OSBPL2: variants seen among roughly 807,000 people sequenced by gnomAD.
The protein encoded by OSBPL2 is oxysterol-binding protein-related protein 2.
Under a neutral mutation model 58.4 loss-of-function variants are expected in OSBPL2, and 18 were observed. The observed-to-expected ratio is 0.31, with a 90% CI of 0.21 to 0.46. The LOEUF (loss-of-function observed/expected upper bound fraction) is 0.46. Among genes scored for constraint, OSBPL2 ranks in the 20% least tolerant of loss-of-function variants. OSBPL2 has a pLI of 1.00. For missense variants in OSBPL2, 461 were observed against 616.5 expected (o/e 0.75, Z 2.67); for synonymous variants, 221 against 234.1 (o/e 0.94, Z 0.51).
chr20:62,288,665 C>T lies in OSBPL2; in HGVS notation c.1126-542C>T, dbSNP rs552523464. Among the ~76,000 whole-genome samples, 3 of 152,232 alleles carry T rather than the reference C, an allele frequency of 2.0e-5. No homozygotes were observed. The highest frequency in any genetic ancestry group is 2.9e-5 in the Non-Finnish European group (2 of 67,990). ...CTCGGGTGTGCTGTCCACAAGACGCCGAGCAGACAGCTGCGAGCCAGAAGT... is the reference window on the plus strand; with the variant it reads ...CTCGGGTGTGCTGTCCACAAGACGCTGAGCAGACAGCTGCGAGCCAGAAGT... On this transcript the variant is annotated intron_variant, in intron 11 of 13. Transcript: ENST00000313733. This position sits in a 1 kb window ranked among gnomAD's most constrained non-coding sequence, Gnocchi z 4.8.
intron 1 of OSBPL2, among the ~76,000 whole-genome samples, chr20:62,241,806 TC>T (rs1220587654): frequency 4.6e-5 from 7 of 152,372 alleles, no homozygotes; most frequent in African/African-American, 1.7e-4. Flanking sequence ...AGTGCAGCAG[TC>T]ACACCCTCAG....
chr20:62,265,899 G>A (rs1040603396), intron 4 of OSBPL2, among the ~76,000 whole-genome samples: 3 of 152,156 alleles, frequency 2.0e-5, no homozygotes, highest in African/African-American at 7.2e-5. Context: ...GAAGAGGATT[G>A]CTTGAGGCCA....
intron 4 of OSBPL2, among the ~76,000 whole-genome samples, chr20:62,268,761 A>G (rs1472741964): frequency 6.6e-6 from 1 of 152,146 alleles, no homozygotes; most frequent in African/African-American, 2.4e-5. Context: ...CACCATGCCC[A>G]GCTACTTTTA....
chr20:62,255,708 T>A (rs1176703386), intron 1 of OSBPL2, among the ~76,000 whole-genome samples: 3 of 152,160 alleles, frequency 2.0e-5, no homozygotes, highest in African/African-American at 7.2e-5. Flanking sequence ...TTTCACCGTG[T>A]TGGCCAGGCT....
intron 1 of OSBPL2, among the ~76,000 whole-genome samples, chr20:62,252,938 C>G (rs576380927): frequency 6.6e-6 from 1 of 152,254 alleles, no homozygotes; most frequent in Non-Finnish European, 1.5e-5. Context: ...GGCTCAAACA[C>G]CTCCCATCAG....
At position 62,280,122 on chromosome 20, in the gene OSBPL2, C is replaced by T. The variant is rs903393069; in HGVS notation, c.674+783C>T. On this transcript the variant is annotated intron_variant, in intron 7 of 13. Coordinates refer to ENST00000313733, the MANE Select transcript of OSBPL2 (RefSeq NM_144498.4). ...TCCTCCTGGGCCACCAGTTCTGAGA[C>T]GTGAGTCTTGCCAAGCCACTGCCTG... 15 of 1,303,014 alleles carry T rather than the reference C, an allele frequency of 1.2e-5. No homozygotes were observed. The East Asian group carries it at 1.7e-4, about 14-fold the overall frequency. The allele number at this position is 1,303,014 out of a possible 1,614,324, so 80.7% of individuals were successfully genotyped here. A position where few individuals can be genotyped will look rare whatever the true frequency, so the allele number is the denominator to read the frequency against.
intron 12 of OSBPL2, among the ~76,000 whole-genome samples, chr20:62,290,727 T>G (rs1983450449): frequency 6.7e-6 from 1 of 148,466 alleles, no homozygotes; most frequent in Non-Finnish European, 1.5e-5. Flanking sequence ...GCCAGGTTTT[T>G]TTTTTTGTTT....
At chr20:62,242,027 G>A (rs576908958) in intron 1 of OSBPL2, among the ~76,000 whole-genome samples, 6 of 152,344 alleles carry the variant, frequency 3.9e-5, no homozygotes, top group African/African-American at 1.2e-4. Flanking sequence ...AAAAAGGACC[G>A]AAGTCCTGAG....
At position 62,291,700 on chromosome 20, in the gene OSBPL2, T is replaced by A; in HGVS notation, c.1250-3T>A. ...TGACCTAAACTGTTTGCTTGGATCCTAGATCTGGCCAGCCAGGAGAAGGAG... is the reference window on the plus strand; with the variant it reads ...TGACCTAAACTGTTTGCTTGGATCCAAGATCTGGCCAGCCAGGAGAAGGAG... On this transcript the variant is annotated splice_polypyrimidine_tract_variant and splice_region_variant and intron_variant, in intron 12 of 13. Coordinates refer to ENST00000313733, the MANE Select transcript of OSBPL2 (RefSeq NM_144498.4). The A allele has an allele frequency of 6.2e-7, 1 of 1,612,852 alleles. No homozygotes were observed. Among genetic ancestry groups the A allele is most frequent in the Non-Finnish European group, 8.5e-7 (1 of 1,179,770 alleles).
chr20:62,269,045 TGA>T lies in OSBPL2; in HGVS notation c.259-3077_259-3076del, dbSNP rs1197019187. On this transcript the variant is annotated intron_variant, in intron 4 of 13. Transcript: ENST00000313733. This position sits in a 1 kb window ranked among gnomAD's most constrained non-coding sequence, Gnocchi z 4.2. ...TTGCACTGCTGCCTAGGCGACAGTG[TGA>T]GACTCCAACTCAAAAAAAAAAAAAA... is the stretch of plus-strand genomic sequence containing the variant. Among the ~76,000 whole-genome samples the T allele has an allele frequency of 6.6e-6, 1 of 150,580 alleles. No homozygotes were observed. Among genetic ancestry groups the T allele is most frequent in the Non-Finnish European group, 1.5e-5 (1 of 67,748 alleles).
chr20:62,240,185 C>G (rs147902692), intron 1 of OSBPL2, among the ~76,000 whole-genome samples: 203 of 152,228 alleles, frequency 1.3e-3, no homozygotes, highest in African/African-American at 4.6e-3. Context: ...TCTCTGACAC[C>G]TAGTGCGCAC....
intron 2 of OSBPL2, among the ~76,000 whole-genome samples, chr20:62,258,654 T>G (rs566091809): frequency 1.1e-4 from 16 of 152,274 alleles, no homozygotes; most frequent in African/African-American, 3.9e-4. Context: ...TCGGAGGCTG[T>G]GGTGGCTGCC....
At chr20:62,258,763 C>T (rs1352445251) in intron 2 of OSBPL2, among the ~76,000 whole-genome samples, 1 of 151,912 alleles carries the variant, frequency 6.6e-6, no homozygotes, top group African/African-American at 2.4e-5. Context: ...GGGGTGGGGG[C>T]AGGTCCTGCC....
At chr20:62,246,320 G>A (rs1980113515) in intron 1 of OSBPL2, among the ~76,000 whole-genome samples, 1 of 152,244 alleles carries the variant, frequency 6.6e-6, no homozygotes, top group Non-Finnish European at 1.5e-5. Flanking sequence ...TCTCCCTCAC[G>A]TTTCAAGTGC....
chr20:62,279,903 G>A (rs1241041311), intron 7 of OSBPL2: 9 of 1,270,246 alleles, frequency 7.1e-6, no homozygotes, highest in South Asian at 1.3e-5. Context: ...GTGCTCATGT[G>A]GCAGGGGTGA....
In OSBPL2 at chr20:62,281,205, G is replaced by A. The variant is rs371574689; in HGVS notation, c.782+40G>A. 36 of 1,435,350 alleles carry A rather than the reference G, an allele frequency of 2.5e-5. No homozygotes were observed. The Middle Eastern group carries it at 8.5e-4, about 34-fold the overall frequency. The allele number at this position is 1,435,350 out of a possible 1,614,324, so 88.9% of individuals were successfully genotyped here. A position where few individuals can be genotyped will look rare whatever the true frequency, so the allele number is the denominator to read the frequency against. On this transcript the variant is annotated intron_variant, in intron 8 of 13. Transcript: ENST00000313733. ...CCGTTGGGTGAGAGCGCGAGGCTCC[G>A]GGTGGGGATGGGCGAGCCGGGGAGC... is the stretch of plus-strand genomic sequence containing the variant.
Position 62,278,585 on chromosome 20 carries a change from C to T in OSBPL2, c.492-572C>T, listed in dbSNP as rs528301592. The T allele has an allele frequency of 6.5e-3, 844 of 128,930 alleles. 30 individuals carry two copies. The highest frequency in any genetic ancestry group is 9.3e-3 in the Non-Finnish European group (640 of 69,036). The allele number at this position is 128,930 out of a possible 1,614,324, so 8.0% of individuals were successfully genotyped here. A position where few individuals can be genotyped will look rare whatever the true frequency, so the allele number is the denominator to read the frequency against. On this transcript the variant is annotated intron_variant, in intron 6 of 13. Transcript: ENST00000313733. Reference sequence around the variant, plus strand: ...TCTGTTGCCAACGTTAGGCCGAGTGCGATGTCATGTTTGTGTGTGTGTCTG... The same window carrying T: ...TCTGTTGCCAACGTTAGGCCGAGTGTGATGTCATGTTTGTGTGTGTGTCTG...
At chr20:62,262,501 A>G (rs951377159) in intron 3 of OSBPL2, among the ~76,000 whole-genome samples, 20 of 152,198 alleles carry the variant, frequency 1.3e-4, no homozygotes, top group African/African-American at 4.6e-4. Flanking sequence ...CGAATCACAA[A>G]GTATTCACTG....
chr20:62,281,355 G>C, intron 8 of OSBPL2, 190 bp downstream of exon 8: 1 of 573,106 alleles, frequency 1.7e-6, no homozygotes, highest in South Asian at 2.2e-5. Context: ...AATGCTCCTC[G>C]TTCAAGACCT....
Sources: gnomAD v4.1 joint callset for allele counts (sites outside exome capture counted in the v4.1 genomes callset) on GRCh38, gnomAD v4.1.1 for gene constraint, Gnocchi (gnomAD v3.1) non-coding constraint, MANE v1.5 for transcripts, NCBI Gene and HGNC (gene_info 2026-07-23, HGNC 2026-07-21) for gene names.